SETD2: variants seen among roughly 807,000 people sequenced by gnomAD.
SETD2 encodes histone-lysine N-methyltransferase SETD2.
Under a neutral mutation model 242.1 loss-of-function variants are expected in SETD2, and 31 were observed. That is an observed-to-expected ratio of 0.13 (90% CI 0.10 to 0.17). SETD2 has a LOEUF of 0.17. Ranked by LOEUF, SETD2 falls within the 10% of genes least tolerant of loss-of-function variation. The pLI is 1.00. For synonymous variants in SETD2, 1,006 were observed against 1,066.5 expected, an observed-to-expected ratio of 0.94 and a Z score of 1.11; for missense variants, 2,481 against 3,046.3, an observed-to-expected ratio of 0.81 and a Z score of 4.37.
At chr3:47,073,144 C>G (rs1336125268) in intron 12 of SETD2, among the ~76,000 whole-genome samples, 1 of 96,932 alleles carries the variant, frequency 1.0e-5, no homozygotes, top group Non-Finnish European at 2.0e-5. Context: ...GAGTGACATT[C>G]CATCTCAAAA....
In SETD2 at chr3:47,103,550, T is replaced by TTAAG. The variant is rs2042295711; in HGVS notation, c.4840-131_4840-128dup. ...AGATTGTGCTGCGAAACCTAACCAGTTAAGGTAGGGCAGTGAGGCCTCCTG... is the reference window on the plus strand; with the variant it reads ...AGATTGTGCTGCGAAACCTAACCAGTTAAGTAAGGTAGGGCAGTGAGGCCTCCTG... On this transcript the variant is annotated intron_variant, in intron 6 of 20. Transcript: ENST00000409792. 13 of 696,002 alleles carry TTAAG rather than the reference T, an allele frequency of 1.9e-5. No homozygotes were observed. In the South Asian group the frequency reaches 2.4e-4, roughly 13 times the overall value. 43.1% of individuals were successfully genotyped at this position (696,002 alleles called of 1,614,324 possible).
intron 15 of SETD2, among the ~76,000 whole-genome samples, chr3:47,053,945 C>T (rs1032065931): frequency 6.6e-6 from 1 of 152,198 alleles, no homozygotes; most frequent in Non-Finnish European, 1.5e-5. Context: ...CATTCTGAGG[C>T]ATTCTGCTCA....
In SETD2 at chr3:47,056,941, A is replaced by G. The variant is rs778947906; in HGVS notation, c.6843T>C (p.Ser2281=). 8 of 1,614,128 alleles carry G rather than the reference A, an allele frequency of 5.0e-6. No homozygotes were observed. Among genetic ancestry groups the G allele is most frequent in the Non-Finnish European group, 5.9e-6 (7 of 1,180,044 alleles). ...GTGCAGGAGAGTACTGCTGCTGTAC[A>G]CTGACAGACTGTTGGTTTGAATCCC... The part of the protein sequence containing the change: ...SVWDSNQQSV[S]VQQQYSPAQS... Residue 2281 remains serine, a synonymous_variant, in exon 15 of 21, where the codon AGT becomes AGC. Coordinates refer to ENST00000409792, the MANE Select transcript of SETD2 (RefSeq NM_014159.7).
Position 47,123,363 on chromosome 3 carries a change from A to G in SETD2, c.1273T>C (p.Ser425Pro). 6.4e-7 allele frequency: 1 copy of G among 1,551,650 alleles called. No individual in the cohort carries two copies. Among genetic ancestry groups the G allele is most frequent in the South Asian group, 1.2e-5 (1 of 84,062 alleles). ...TNLSYSRSER[S>P]HYYDSDRRYH... ...CGACGATCAGAGTCATAATAATGAG[A>G]TCGTTCTGACCTGGAATAGGATAAA... The change falls in exon 3 of 21, where the codon TCT becomes CCT. Residue 425 changes from serine to proline, a missense_variant. By Grantham distance (74) the Ser-to-Pro change is moderately conservative (BLOSUM62 -1). Transcript: ENST00000409792.
At chr3:47,044,651 C>T (rs1325251470) in intron 16 of SETD2, among the ~76,000 whole-genome samples, 1 of 151,960 alleles carries the variant, frequency 6.6e-6, no homozygotes, top group Non-Finnish European at 1.5e-5. Context: ...TATCCAAAAA[C>T]AACAACACTT....
intron 4 of SETD2, among the ~76,000 whole-genome samples, chr3:47,114,564 G>A (rs2042781083): frequency 6.6e-6 from 1 of 152,006 alleles, no homozygotes; most frequent in Non-Finnish European, 1.5e-5. Flanking sequence ...TAGATATAAA[G>A]GTTTTAACGA....
In SETD2 at chr3:47,016,567, A is replaced by G. The variant is rs11708257; in HGVS notation, c.*526T>C. ...CCAAAACCACAAGGCAGCCTGCTTT[A>G]GAATATTTACATGATAACAAATTAA... On this transcript the variant is annotated 3_prime_UTR_variant, in exon 21 of 21. Transcript: ENST00000409792. The G allele has an allele frequency of 0.97, 225,575 of 233,708 alleles. 109,391 individuals are homozygous for G. The highest frequency in any genetic ancestry group is 1 in the East Asian group (16,580 of 16,580). The allele number at this position is 233,708 out of a possible 1,614,324, so 14.5% of individuals were successfully genotyped here.
chr3:47,117,462 A>G (rs1182188367), intron 3 of SETD2, among the ~76,000 whole-genome samples: 1 of 152,110 alleles, frequency 6.6e-6, no homozygotes, highest in East Asian at 1.9e-4. Flanking sequence ...AAATAGGAAA[A>G]CTCATGCATT....
intron 1 of SETD2, among the ~76,000 whole-genome samples, chr3:47,155,835 TTTGTTG>T (rs1023350841): frequency 1.1e-4 from 16 of 152,216 alleles, no homozygotes; most frequent in African/African-American, 3.9e-4. Context: ...TTTTTTTGTT[TTTGTTG>T]TTTTTTTTTT....
intron 5 of SETD2, among the ~76,000 whole-genome samples, chr3:47,111,079 T>TA (rs10672755): frequency 0.011 from 840 of 78,680 alleles, 8 homozygotes; most frequent in African/African-American, 0.016. Context: ...GTGGTTCCTT[T>TA]AAAAAAAAAA....
At chr3:47,113,274 TCTA>T (rs1278606027) in intron 5 of SETD2, among the ~76,000 whole-genome samples, 1 of 152,082 alleles carries the variant, frequency 6.6e-6, no homozygotes, top group African/African-American at 2.4e-5. Flanking sequence ...GGCCTTCTCT[TCTA>T]CTCTTATCCC....
At chr3:47,056,092 ATT>A (rs146077691) in intron 15 of SETD2, among the ~76,000 whole-genome samples, 3 of 113,004 alleles carry the variant, frequency 2.7e-5, no homozygotes, top group Non-Finnish European at 5.2e-5. Context: ...AGAAAACATG[ATT>A]TTTATTTATT....
intron 17 of SETD2, among the ~76,000 whole-genome samples, chr3:47,041,123 T>C (rs2039258024): frequency 2.0e-5 from 3 of 152,288 alleles, no homozygotes; most frequent in Non-Finnish European, 2.9e-5. Flanking sequence ...AGCTATACAA[T>C]AGAGCAGGGG....
At chr3:47,029,065 A>ATTTTT in intron 18 of SETD2, 1 of 156,348 alleles carries the variant, frequency 6.4e-6, no homozygotes, top group Non-Finnish European at 1.3e-5. Context: ...CAAACTTTTA[A>ATTTTT]TTTTTTTTTT....
At position 47,016,918 on chromosome 3, in the gene SETD2, G is replaced by A. The variant is rs1351599470; in HGVS notation, c.*175C>T. The A allele has an allele frequency of 1.6e-6, 1 of 619,200 alleles. No homozygotes were observed. The highest frequency in any genetic ancestry group is 2.8e-6 in the Non-Finnish European group (1 of 354,222). 38.4% of individuals were successfully genotyped at this position (619,200 alleles called of 1,614,324 possible). On this transcript the variant is annotated 3_prime_UTR_variant, in exon 21 of 21. Transcript: ENST00000409792. ...ACAGCTCACAACTAGGTAATCACTTGTAGATGGAGTTCATTTTTGTGGCCT... is the reference window on the plus strand; with the variant it reads ...ACAGCTCACAACTAGGTAATCACTTATAGATGGAGTTCATTTTTGTGGCCT...
intron 3 of SETD2, among the ~76,000 whole-genome samples, chr3:47,118,908 A>C (rs188985586): frequency 1.3e-5 from 2 of 152,142 alleles, no homozygotes; most frequent in South Asian, 4.1e-4. Flanking sequence ...AAAATATTGA[A>C]TATTTTAAAT....
rs542355511 is a variant in SETD2, at chr3:47,146,708, G to A, written c.71+17146C>T. 9.2e-5 allele frequency among the ~76,000 whole-genome samples: 14 copies of A among 151,902 alleles called. No homozygotes were observed. The South Asian group carries it at 1.5e-3, about 16-fold the overall frequency. On this transcript the variant is annotated intron_variant, in intron 1 of 20. Coordinates refer to ENST00000409792, the MANE Select transcript of SETD2 (RefSeq NM_014159.7). Reference sequence around the variant, plus strand: ...TCCCAGCATTCTAAGAGGCCAAGGCGAGATGACTGCTTGAAGCCAGGAGTT... The same window carrying A: ...TCCCAGCATTCTAAGAGGCCAAGGCAAGATGACTGCTTGAAGCCAGGAGTT...
chr3:47,115,339 A>G (rs1006786964), intron 4 of SETD2, among the ~76,000 whole-genome samples: 15 of 152,108 alleles, frequency 9.9e-5, no homozygotes, highest in African/African-American at 1.9e-4. Flanking sequence ...TTCTTCATGT[A>G]TGCTTCACAA....
intron 1 of SETD2, among the ~76,000 whole-genome samples, chr3:47,129,369 C>A (rs1283088102): frequency 1.3e-5 from 2 of 152,218 alleles, no homozygotes; most frequent in Non-Finnish European, 1.5e-5. Flanking sequence ...TTTCCAGAGA[C>A]AACTACTGTT....
Sources: gnomAD v4.1 joint callset for allele counts (sites outside exome capture counted in the v4.1 genomes callset) on GRCh38, gnomAD v4.1.1 for gene constraint, MANE v1.5 for transcripts, NCBI Gene and HGNC (gene_info 2026-07-23, HGNC 2026-07-21) for gene names.